ILDR1: variants seen among roughly 807,000 people sequenced by gnomAD.
ILDR1 encodes immunoglobulin like domain containing receptor 1.
ILDR1 carries 56 observed loss-of-function variants against 62.4 expected under a neutral mutation model. That is an observed-to-expected ratio of 0.90 (90% CI 0.72 to 1.12). The LOEUF (loss-of-function observed/expected upper bound fraction) is 1.12. Ranked by LOEUF, ILDR1 falls within the 50% of genes most tolerant of loss-of-function variation. The pLI is 0.00. For missense variants in ILDR1, 736 were observed against 710.6 expected, an observed-to-expected ratio of 1.04 and a Z score of -0.41; for synonymous variants, 284 against 277.8, an observed-to-expected ratio of 1.02 and a Z score of -0.22.
the ILDR1 span, among the ~76,000 whole-genome samples, chr3:122,036,973 C>T: frequency 1.3e-5 from 2 of 152,226 alleles, no homozygotes; most frequent in Non-Finnish European, 2.9e-5. Context: ...GTGCAAGCCC[C>T]AAGCCTTGGT....
chr3:122,014,241 G>T (rs1436380965), intron 1 of ILDR1, among the ~76,000 whole-genome samples: 1 of 152,168 alleles, frequency 6.6e-6, no homozygotes, highest in Non-Finnish European at 1.5e-5. Flanking sequence ...AGTGGAGGGG[G>T]TATCAAGTAA....
chr3:122,002,404 A>G (rs575406303), intron 3 of ILDR1, among the ~76,000 whole-genome samples: 1 of 151,566 alleles, frequency 6.6e-6, no homozygotes, highest in East Asian at 1.9e-4. Context: ...GGGTGGAAAA[A>G]CTCCACATTC....
intron 1 of ILDR1, among the ~76,000 whole-genome samples, chr3:122,008,507 T>C (rs1409877836): frequency 6.6e-6 from 1 of 152,154 alleles, no homozygotes; most frequent in African/African-American, 2.4e-5. Context: ...CTGAACCCTA[T>C]GCTAGGAGTT....
chr3:122,003,746 G>A (rs1190961606), intron 3 of ILDR1, among the ~76,000 whole-genome samples: 1 of 152,066 alleles, frequency 6.6e-6, no homozygotes, highest in East Asian at 1.9e-4. Flanking sequence ...GTGGCTGGGA[G>A]TGGGAGTAGT....
intron 5 of ILDR1, among the ~76,000 whole-genome samples, chr3:121,995,240 G>A (rs530474622): frequency 6.6e-6 from 1 of 152,270 alleles, no homozygotes. Flanking sequence ...GCCTATCCAC[G>A]CGTGTTGGAC....
chr3:122,052,725 T>C, the ILDR1 span, among the ~76,000 whole-genome samples: 1 of 152,190 alleles, frequency 6.6e-6, no homozygotes, highest in Admixed American at 6.5e-5. Context: ...TGTGCCAGCA[T>C]GCCTGGCTAA....
upstream of ILDR1, chr3:122,025,229 G>C (rs1254542610): frequency 2.0e-5 from 3 of 152,196 alleles, no homozygotes; most frequent in Non-Finnish European, 2.9e-5. Context: ...GAGAATGGGG[G>C]AAAGACAACA....
upstream of ILDR1, among the ~76,000 whole-genome samples, chr3:122,024,234 TG>T (rs937756490): frequency 1.3e-5 from 2 of 152,208 alleles, no homozygotes; most frequent in Admixed American, 1.3e-4. Context: ...AGAGTGTTAA[TG>T]TACATTTGAA....
At chr3:122,050,428 A>G in the ILDR1 span, among the ~76,000 whole-genome samples, 2 of 151,918 alleles carry the variant, frequency 1.3e-5, no homozygotes, top group Non-Finnish European at 2.9e-5. Flanking sequence ...TGGAAATTCC[A>G]TAGGTATTTT....
rs2071272608 is a variant in ILDR1, at chr3:121,987,736, G to C, written c.*631C>G. ...AGTTCTCATTTTGAGAATGGCCAGG[G>C]TTCTGGGCAGTGTAGTCTACTGAAA... On this transcript the variant is annotated 3_prime_UTR_variant, in exon 8 of 8. Transcript: ENST00000344209. 1 of 165,172 alleles carries C rather than the reference G, an allele frequency of 6.1e-6. No homozygotes were observed. The highest frequency in any genetic ancestry group is 1.3e-5 in the Non-Finnish European group (1 of 75,704). The allele number at this position is 165,172 out of a possible 1,614,324, so 10.2% of individuals were successfully genotyped here.
At chr3:122,000,746 C>T (rs1210688087) in intron 5 of ILDR1, among the ~76,000 whole-genome samples, 1 of 152,156 alleles carries the variant, frequency 6.6e-6, no homozygotes, top group East Asian at 1.9e-4. Flanking sequence ...TGGGACTAAG[C>T]CTTCCACCTG....
chr3:122,027,261 C>T, the ILDR1 span, among the ~76,000 whole-genome samples: 5 of 152,322 alleles, frequency 3.3e-5, no homozygotes, highest in East Asian at 7.7e-4. Context: ...GCAGTCTCAG[C>T]TCACTGCAAA....
chr3:122,011,669 T>A (rs1379000657), intron 1 of ILDR1, among the ~76,000 whole-genome samples: 1 of 38,574 alleles, frequency 2.6e-5, no homozygotes, highest in African/African-American at 1.3e-4. Flanking sequence ...TCTCTCTCTC[T>A]CTCTCTTTCA....
At chr3:122,016,443 G>A (rs2071778197) in intron 1 of ILDR1, among the ~76,000 whole-genome samples, 1 of 152,216 alleles carries the variant, frequency 6.6e-6, no homozygotes, top group Non-Finnish European at 1.5e-5. Flanking sequence ...CAAAAGAACA[G>A]ATACATTCAT....
At chr3:121,995,653 G>A (rs1026256528) in intron 5 of ILDR1, among the ~76,000 whole-genome samples, 3 of 152,298 alleles carry the variant, frequency 2.0e-5, no homozygotes, top group Admixed American at 6.5e-5. Context: ...ATCACCTGGA[G>A]CCTCCCTGAA....
chr3:122,009,922 C>A (rs1293326418), intron 1 of ILDR1, among the ~76,000 whole-genome samples: 1 of 152,210 alleles, frequency 6.6e-6, no homozygotes, highest in Non-Finnish European at 1.5e-5. Flanking sequence ...GACCTGACCA[C>A]CTATCTCCAG....
intron 1 of ILDR1, among the ~76,000 whole-genome samples, chr3:122,008,922 C>T (rs1054320040): frequency 1.3e-5 from 2 of 150,138 alleles, no homozygotes; most frequent in South Asian, 2.1e-4. Flanking sequence ...TTCTTTTTTT[C>T]TTTCTTTCTT....
the ILDR1 span, among the ~76,000 whole-genome samples, chr3:122,031,846 A>G: frequency 1.3e-5 from 2 of 152,210 alleles, no homozygotes; most frequent in Non-Finnish European, 2.9e-5. Context: ...ATGCAATAGG[A>G]CACCAACCCT....
chr3:122,006,229 G>T (rs141867743), intron 2 of ILDR1, among the ~76,000 whole-genome samples: 7 of 152,258 alleles, frequency 4.6e-5, no homozygotes, highest in African/African-American at 1.7e-4. Flanking sequence ...CTTCTCAGGA[G>T]GCTCACTTTT....
Sources: allele counts gnomAD v4.1 joint callset (sites outside exome capture counted in the v4.1 genomes callset), GRCh38; gene constraint gnomAD v4.1.1; transcripts MANE v1.5; gene names NCBI Gene and HGNC (gene_info 2026-07-23, HGNC 2026-07-21).